KLF12: variants seen among roughly 807,000 people sequenced by gnomAD.
KLF12 encodes the protein KLF transcription factor 12.
A neutral mutation model predicts 37.8 loss-of-function variants in KLF12; 9 were observed. The observed-to-expected ratio is 0.24, with a 90% CI of 0.14 to 0.42. The LOEUF is 0.42. KLF12 is among the 10% of genes least tolerant of loss of function. The probability of loss-of-function intolerance (pLI) is 1.00; values close to 1 mark genes in which losing one functional copy is unlikely to be tolerated. For missense variants in KLF12, 411 were observed against 516.0 expected (o/e 0.80, Z 1.97); for synonymous variants, 208 against 202.1 (o/e 1.03, Z -0.25).
At chr13:73,698,741 T>C (rs927449726) in intron 7 of KLF12, among the ~76,000 whole-genome samples, 2 of 152,206 alleles carry the variant, frequency 1.3e-5, no homozygotes, top group Admixed American at 6.5e-5. Context: ...CTGCAACATA[T>C]AATGTATGGC....
chr13:74,241,933 C>G, the KLF12 span, among the ~76,000 whole-genome samples: 7 of 152,148 alleles, frequency 4.6e-5, no homozygotes, highest in Non-Finnish European at 7.3e-5. Context: ...AGCTGTAGAC[C>G]GGAGCTGTTC....
At chr13:73,780,650 CA>C (rs1451360784) in intron 5 of KLF12, among the ~76,000 whole-genome samples, 2 of 152,102 alleles carry the variant, frequency 1.3e-5, no homozygotes, top group Non-Finnish European at 2.9e-5. Flanking sequence ...TCAGTAGAGA[CA>C]GGGTTTCTCC....
chr13:73,718,463 C>T (rs929939300), intron 6 of KLF12, among the ~76,000 whole-genome samples: 6 of 152,188 alleles, frequency 3.9e-5, no homozygotes, highest in African/African-American at 1.2e-4. Context: ...CCTCATTCTA[C>T]AGTGAAACGT....
At chr13:74,099,778 CCACTTCTGTAGTA>C (rs1490267065) in intron 1 of KLF12, among the ~76,000 whole-genome samples, 2 of 152,174 alleles carry the variant, frequency 1.3e-5, no homozygotes. Context: ...ATGTCTATCT[CCACTTCTGTAGTA>C]TACCTAGCAT....
At chr13:74,146,875 T>C in the KLF12 span, among the ~76,000 whole-genome samples, 1 of 152,196 alleles carries the variant, frequency 6.6e-6, no homozygotes, top group Non-Finnish European at 1.5e-5. Context: ...GAGATGGAGC[T>C]GAGATTTGCA....
intron 5 of KLF12, among the ~76,000 whole-genome samples, chr13:73,774,833 A>G (rs1880500777): frequency 6.6e-6 from 1 of 152,002 alleles, no homozygotes; most frequent in South Asian, 2.1e-4. Flanking sequence ...AGTTATTATC[A>G]ATAACAATCT....
intron 6 of KLF12, among the ~76,000 whole-genome samples, chr13:73,737,205 G>A (rs1392407022): frequency 6.6e-6 from 1 of 152,168 alleles, no homozygotes; most frequent in African/African-American, 2.4e-5. Context: ...TATTGGCAAT[G>A]CAGGGGAATT....
intron 1 of KLF12, among the ~76,000 whole-genome samples, chr13:74,044,762 T>C (rs1046519919): frequency 1.3e-5 from 2 of 151,784 alleles, no homozygotes; most frequent in African/African-American, 4.8e-5. Flanking sequence ...AGGGATTCGC[T>C]TGAACCCGGG....
chr13:73,917,127 A>T (rs377236067), intron 3 of KLF12, among the ~76,000 whole-genome samples: 25 of 152,342 alleles, frequency 1.6e-4, no homozygotes, highest in African/African-American at 5.8e-4. Context: ...CATGGATTAT[A>T]TACCAAGTGT....
chr13:74,172,673 G>T, the KLF12 span, among the ~76,000 whole-genome samples: 14 of 152,140 alleles, frequency 9.2e-5, no homozygotes, highest in African/African-American at 3.4e-4. Context: ...CCATCCCACA[G>T]ATTTCCCTTT....
the KLF12 span, among the ~76,000 whole-genome samples, chr13:74,286,881 G>A: frequency 6.6e-6 from 1 of 152,140 alleles, no homozygotes; most frequent in Non-Finnish European, 1.5e-5. Context: ...TTGGAATGGG[G>A]ACTCAGTAAA....
At chr13:73,954,549 T>C (rs1478254680) in intron 2 of KLF12, among the ~76,000 whole-genome samples, 3 of 152,174 alleles carry the variant, frequency 2.0e-5, no homozygotes, top group East Asian at 1.9e-4. Context: ...CAAAAGTAGT[T>C]AGGACTAAAA....
At chr13:73,741,703 T>C (rs1877995672) in intron 6 of KLF12, among the ~76,000 whole-genome samples, 1 of 152,158 alleles carries the variant, frequency 6.6e-6, no homozygotes, top group Admixed American at 6.5e-5. Context: ...AATAGCTCCT[T>C]TGGAGCTATT....
chr13:73,772,649 C>T (rs1400259692), intron 5 of KLF12, among the ~76,000 whole-genome samples: 1 of 152,142 alleles, frequency 6.6e-6, no homozygotes, highest in Non-Finnish European at 1.5e-5. Flanking sequence ...CAGGAGATTA[C>T]AGGTGTCGTG....
At chr13:74,035,273 T>C (rs1175104163) in intron 1 of KLF12, among the ~76,000 whole-genome samples, 1 of 152,242 alleles carries the variant, frequency 6.6e-6, no homozygotes, top group Non-Finnish European at 1.5e-5. Flanking sequence ...ATGCAGATGC[T>C]ACATACATAG....
the KLF12 span, among the ~76,000 whole-genome samples, chr13:74,242,022 G>A: frequency 0.26 from 38,984 of 152,138 alleles, 7,416 homozygotes; most frequent in African/African-American, 0.53. Flanking sequence ...TGCCCACTCT[G>A]TGGAGTGTTA....
At chr13:74,247,442 C>T in the KLF12 span, among the ~76,000 whole-genome samples, 3 of 152,136 alleles carry the variant, frequency 2.0e-5, no homozygotes, top group Non-Finnish European at 4.4e-5. Flanking sequence ...TTTTTTGGCA[C>T]ATATCCAGAT....
At chr13:73,846,429 A>T in intron 3 of KLF12, 56 bp from the exon 4 acceptor site, 1 of 1,441,232 alleles carries the variant, frequency 6.9e-7, no homozygotes, top group Non-Finnish European at 9.5e-7. Flanking sequence ...CATTTTATCG[A>T]TGCATGGCTT....
intron 1 of KLF12, among the ~76,000 whole-genome samples, chr13:74,007,013 C>G (rs1892425832): frequency 6.6e-6 from 1 of 152,142 alleles, no homozygotes; most frequent in Admixed American, 6.5e-5. Context: ...CACAGCCCTT[C>G]TGAAGAGGAA....
Sources: allele counts gnomAD v4.1 joint callset (sites outside exome capture counted in the v4.1 genomes callset), GRCh38; gene constraint gnomAD v4.1.1; transcripts MANE v1.5; gene names NCBI Gene and HGNC (gene_info 2026-07-23, HGNC 2026-07-21).